ANKRD12: variants seen among roughly 807,000 people sequenced by gnomAD.
ANKRD12 encodes the protein ankyrin repeat domain 12, also known as ankyrin repeat domain-containing protein 12.
Under a neutral mutation model 183.4 loss-of-function variants are expected in ANKRD12, and 85 were observed. The observed-to-expected ratio is 0.46, with a 90% CI of 0.39 to 0.56. The LOEUF is 0.56. ANKRD12 is among the 20% of genes least tolerant of loss of function. ANKRD12 has a pLI of 0.00. For missense variants in ANKRD12, 2,405 were observed against 2,357.1 expected (o/e 1.02, Z -0.42); for synonymous variants, 914 against 800.2 (o/e 1.14, Z -2.40).
chr18:9,276,997 T>G (rs1212089203), intron 11 of ANKRD12, among the ~76,000 whole-genome samples: 2 of 152,208 alleles, frequency 1.3e-5, no homozygotes, highest in African/African-American at 4.8e-5. Context: ...TTTTTAAGTT[T>G]TGAGCAATCA....
chr18:9,172,679 G>A (rs1382009194), intron 1 of ANKRD12, among the ~76,000 whole-genome samples: 1 of 152,052 alleles, frequency 6.6e-6, no homozygotes, highest in African/African-American at 2.4e-5. Flanking sequence ...CTTTAGCTCA[G>A]CCAAGTTCAT....
rs2038579963 is a variant in ANKRD12, at chr18:9,255,837, A to G, written c.2570A>G (p.Lys857Arg). The G allele has an allele frequency of 1.9e-6, 3 of 1,581,784 alleles. No homozygotes were observed. Among genetic ancestry groups the G allele is most frequent in the African/African-American group, 2.7e-5 (2 of 72,876 alleles). The change falls in exon 9 of 13, where the codon AAA becomes AGA. Residue 857 changes from lysine (K) to arginine (R), a missense_variant. By Grantham distance (26) the Lys-to-Arg change is conservative. This residue lies in a region of ANKRD12 where 1,983 missense variants were observed against 1,725.9 expected (regional missense o/e 1.15). Transcript: ENST00000262126. ...IKHEHKSEKD[K>R]LDLSECVDKI... ...CATGAGCATAAGTCAGAAAAAGACA[A>G]ATTAGATCTTAGTGAATGTGTTGAT...
chr18:9,279,690 T>TA (rs61228777), intron 12 of ANKRD12, 46 bp downstream of exon 12: 141,148 of 789,266 alleles, frequency 0.18, 273 homozygotes, highest in South Asian at 0.24. Flanking sequence ...TCCCCCTTCT[T>TA]AAAAAAAAAA....
In ANKRD12 at chr18:9,254,933, A is replaced by G; in HGVS notation, c.1666A>G (p.Thr556Ala). ...TTGTGGATTAAGTGAAAAACAGTCA[A>G]CACCACTAAAACAAGAACATACTAA... ...HSCGLSEKQS[T>A]PLKQEHTKTC... The change falls in exon 9 of 13, where the codon ACA (threonine) becomes GCA (alanine). Residue 556 changes from threonine to alanine, a missense_variant. Physicochemically the swap from Thr to Ala is moderately conservative, Grantham distance 58 (BLOSUM62 0). Around this residue, in one of 7 missense-constraint regions of ANKRD12, gnomAD observed 1,983 missense variants for 1,725.9 expected, o/e 1.15. Coordinates refer to ENST00000262126, the MANE Select transcript of ANKRD12 (RefSeq NM_015208.5). 1 of 1,591,116 alleles carries G rather than the reference A, an allele frequency of 6.3e-7. No homozygotes were observed. Among genetic ancestry groups the G allele is most frequent in the Non-Finnish European group, 8.5e-7 (1 of 1,172,328 alleles).
Position 9,257,727 on chromosome 18 carries a change from C to A in ANKRD12, c.4460C>A (p.Pro1487His), listed in dbSNP as rs761635917. The A allele has an allele frequency of 6.2e-7, 1 of 1,614,018 alleles. No individual in the cohort carries two copies. Among genetic ancestry groups the A allele is most frequent in the Admixed American group, 1.7e-5 (1 of 59,966 alleles). Residue 1487 changes from proline to histidine, a missense_variant, in exon 9 of 13, where the codon CCT (proline) becomes CAT (histidine). This residue lies in a region of ANKRD12 where 1,983 missense variants were observed against 1,725.9 expected (regional missense o/e 1.15). Coordinates refer to ENST00000262126, the MANE Select transcript of ANKRD12 (RefSeq NM_015208.5). ...SCAQDPASFM[P>H]PQQPCSFPSQ... ...GCTCAGGATCCGGCATCCTTTATGC[C>A]TCCACAGCAGCCTTGCTCTTTCCCC...
chr18:9,220,855 G>A (rs990243008), intron 7 of ANKRD12, among the ~76,000 whole-genome samples: 3 of 152,118 alleles, frequency 2.0e-5, no homozygotes, highest in African/African-American at 7.2e-5. Context: ...AGAGTCATAG[G>A]GAAACCATCA....
Position 9,195,774 on chromosome 18 carries a change from C to T in ANKRD12, c.235+76C>T, listed in dbSNP as rs976033864. 60 of 1,280,696 alleles carry T rather than the reference C, an allele frequency of 4.7e-5. No individual in the cohort carries two copies. The Admixed American group carries it at 1.4e-3, about 29-fold the overall frequency. 79.3% of individuals were successfully genotyped at this position (1,280,696 alleles called of 1,614,324 possible). ...GATTTTTGTTTCTTGTACACCACTC[C>T]TCTTGACACCCCAGTTTATAGAGAA... On this transcript the variant is annotated intron_variant, in intron 3 of 12. Transcript: ENST00000262126.
At chr18:9,185,896 G>A (rs1233749791) in intron 2 of ANKRD12, among the ~76,000 whole-genome samples, 1 of 152,220 alleles carries the variant, frequency 6.6e-6, no homozygotes, top group Non-Finnish European at 1.5e-5. Context: ...GCGTGGAGAT[G>A]TGGGGACAGA....
chr18:9,269,037 AAAATACCT>A (rs1324655398), intron 10 of ANKRD12, among the ~76,000 whole-genome samples: 11 of 152,182 alleles, frequency 7.2e-5, no homozygotes, highest in Non-Finnish European at 1.0e-4. Flanking sequence ...CAAAGAGAAT[AAAATACCT>A]AGGAATCCAA....
At chr18:9,161,525 G>A (rs1221326308) in intron 1 of ANKRD12, among the ~76,000 whole-genome samples, 3 of 151,618 alleles carry the variant, frequency 2.0e-5, no homozygotes, top group Non-Finnish European at 2.9e-5. Flanking sequence ...ACAGGCGCCC[G>A]CCACCACGCC....
chr18:9,268,413 C>T (rs2039420527), intron 10 of ANKRD12, among the ~76,000 whole-genome samples: 1 of 152,218 alleles, frequency 6.6e-6, no homozygotes, highest in South Asian at 2.1e-4. Context: ...CATCAAGAAG[C>T]TTATCCACCA....
intron 10 of ANKRD12, among the ~76,000 whole-genome samples, chr18:9,270,894 TCTGA>T (rs1279295241): frequency 6.6e-6 from 1 of 152,220 alleles, no homozygotes; most frequent in Non-Finnish European, 1.5e-5. Flanking sequence ...ACTTTAAATG[TCTGA>T]CTGATACGAG....
rs539302332 is a variant in ANKRD12 at position 9,148,897 on chromosome 18, T to C, written c.-52+11932T>C. Among the ~76,000 whole-genome samples, 4 of 151,576 alleles carry C rather than the reference T, an allele frequency of 2.6e-5. No homozygotes were observed. The South Asian group carries it at 8.3e-4, about 31-fold the overall frequency. ...CAAGGGGCTTCATGATGAGATCCCT[T>C]CCTGCTTCAGCCTCATTTTCTGTCC... On this transcript the variant is annotated intron_variant, in intron 1 of 12. Coordinates refer to ENST00000262126, the MANE Select transcript of ANKRD12 (RefSeq NM_015208.5).
At chr18:9,235,954 T>C in intron 8 of ANKRD12, 4 of 204,994 alleles carry the variant, frequency 2.0e-5, no homozygotes, top group African/African-American at 6.9e-5. Context: ...GAGGGACTTT[T>C]TTTTTTTTTT....
At chr18:9,194,925 A>G (rs1310917019) in intron 2 of ANKRD12, among the ~76,000 whole-genome samples, 1 of 152,200 alleles carries the variant, frequency 6.6e-6, no homozygotes, top group Non-Finnish European at 1.5e-5. Context: ...AATACATGGA[A>G]TTAACCTAAA....
intron 8 of ANKRD12, among the ~76,000 whole-genome samples, chr18:9,237,676 G>T (rs2037425652): frequency 6.6e-6 from 1 of 152,110 alleles, no homozygotes; most frequent in South Asian, 2.1e-4. Flanking sequence ...AAAATGAACA[G>T]TGTTTTTAAA....
intron 1 of ANKRD12, among the ~76,000 whole-genome samples, chr18:9,153,092 C>T (rs1349297428): frequency 6.6e-6 from 1 of 152,196 alleles, no homozygotes; most frequent in Admixed American, 6.5e-5. Context: ...CCTCAGCCTT[C>T]CAAAGTGTTG....
chr18:9,195,531 T>G lies in ANKRD12; in HGVS notation c.88-20T>G, dbSNP rs141611365. On this transcript the variant is annotated intron_variant, in intron 2 of 12. Coordinates refer to ENST00000262126, the MANE Select transcript of ANKRD12 (RefSeq NM_015208.5). ...TTAGCTAATATTGATATAACTTTAC[T>G]CTATTTGACTTTTTAATAGAGTAAA... is the stretch of plus-strand genomic sequence containing the variant. The G allele has an allele frequency of 3.8e-6, 6 of 1,560,906 alleles. No individual in the cohort carries two copies. Among genetic ancestry groups the G allele is most frequent in the Admixed American group, 1.9e-5 (1 of 52,384 alleles).
chr18:9,152,071 A>T (rs1213643907), intron 1 of ANKRD12, among the ~76,000 whole-genome samples: 2 of 152,170 alleles, frequency 1.3e-5, no homozygotes, highest in Non-Finnish European at 2.9e-5. Flanking sequence ...AAACAAAAAG[A>T]AAAAAATAAT....
Sources: gnomAD v4.1 joint callset for allele counts (sites outside exome capture counted in the v4.1 genomes callset) on GRCh38, gnomAD v4.1.1 for gene constraint, gnomAD v4.1.1 regional missense constraint, MANE v1.5 for transcripts, NCBI Gene and HGNC (gene_info 2026-07-23, HGNC 2026-07-21) for gene names.